The following MCM5 variants were observed in gnomAD, a reference collection of about 807,000 sequenced individuals.
MCM5 encodes the protein DNA replication licensing factor MCM5.
A neutral mutation model predicts 79.9 loss-of-function variants in MCM5; 46 were observed. The ratio of observed to expected loss-of-function variants is 0.58; its 90% CI spans 0.45 to 0.74. The LOEUF is 0.74. Among genes scored for constraint, MCM5 ranks in the 30% least tolerant of loss-of-function variants. The probability of loss-of-function intolerance (pLI) is 0.00; values close to 1 mark genes in which losing one functional copy is unlikely to be tolerated. For missense variants in MCM5, 883 were observed against 1,017.0 expected (o/e 0.87, Z 1.79); for synonymous variants, 404 against 390.5 (o/e 1.03, Z -0.41).
intron 6 of MCM5, among the ~76,000 whole-genome samples, chr22:35,408,927 G>A (rs988632204): frequency 1.3e-5 from 2 of 151,818 alleles, no homozygotes; most frequent in Admixed American, 6.6e-5. Flanking sequence ...AGCTGGCAAA[G>A]CCTCTTCCCA....
In MCM5 at chr22:35,410,762, C is replaced by A; in HGVS notation, c.771C>A (p.Val257=). Residue 257 remains valine (V), a synonymous_variant, in exon 7 of 17, where the codon GTC becomes GTA. Transcript: ENST00000216122. ...LYCDRYLCDK[V]VPGNRVTIMG... ...CTCTCAGGTACCTGTGTGACAAGGTCGTCCCTGGGAACAGGGTTACCATCA... is the reference window on the plus strand; with the variant it reads ...CTCTCAGGTACCTGTGTGACAAGGTAGTCCCTGGGAACAGGGTTACCATCA... 6.2e-7 allele frequency: 1 copy of A among 1,614,066 alleles called. No homozygotes were observed. Among genetic ancestry groups the A allele is most frequent in the South Asian group, 1.1e-5 (1 of 91,060 alleles).
Position 35,412,786 on chromosome 22 carries a change from T to TGGGCCCCTCAGTCTGCC in MCM5, c.1091+106_1091+122dup, listed in dbSNP as rs1261361228. On this transcript the variant is annotated intron_variant, in intron 8 of 16. Coordinates refer to ENST00000216122, the MANE Select transcript of MCM5 (RefSeq NM_006739.4). ...ACTGGGCACTCTTTTTTGTATTTCC[T>TGGGCCCCTCAGTCTGCC]GGGCCCCTCAGTCTGCCAGGCACCT... The TGGGCCCCTCAGTCTGCC allele has an allele frequency of 4.8e-6, 5 of 1,041,346 alleles. No individual in the cohort carries two copies. The African/African-American group carries it at 8.3e-5, about 17-fold the overall frequency. The allele number at this position is 1,041,346 out of a possible 1,614,324, so 64.5% of individuals were successfully genotyped here.
At chr22:35,434,326 A>G in the MCM5 span, among the ~76,000 whole-genome samples, 1 of 151,832 alleles carries the variant, frequency 6.6e-6, no homozygotes, top group Non-Finnish European at 1.5e-5. Flanking sequence ...CTGAACCCTG[A>G]TGATACATCT....
the MCM5 span, among the ~76,000 whole-genome samples, chr22:35,445,997 T>C: frequency 6.6e-6 from 1 of 152,228 alleles, no homozygotes; most frequent in African/African-American, 2.4e-5. Flanking sequence ...CTCCACATCT[T>C]TCTGCTTAGC....
the MCM5 span, among the ~76,000 whole-genome samples, chr22:35,440,062 C>A: frequency 6.6e-6 from 1 of 152,242 alleles, no homozygotes; most frequent in Admixed American, 6.5e-5. Flanking sequence ...CCATTTCTCT[C>A]GTCCAAATTC....
At chr22:35,423,526 G>C (rs1433346344) in intron 16 of MCM5, 185 bp downstream of exon 16, 1 of 534,574 alleles carries the variant, frequency 1.9e-6, no homozygotes, top group Non-Finnish European at 3.0e-6. Context: ...TTCATCAGGA[G>C]CAGGGATGGG....
the MCM5 span, among the ~76,000 whole-genome samples, chr22:35,432,473 C>T: frequency 5.9e-5 from 9 of 152,182 alleles, no homozygotes; most frequent in African/African-American, 1.2e-4. Flanking sequence ...CCACACAGAA[C>T]GTGCTCCTTG....
At chr22:35,402,391 ATC>A (rs1478769895) in intron 2 of MCM5, among the ~76,000 whole-genome samples, 1 of 147,004 alleles carries the variant, frequency 6.8e-6, no homozygotes, top group Non-Finnish European at 1.5e-5. Context: ...CAGTGGCGTG[ATC>A]TTGGCTCACT....
intron 7 of MCM5, 94 bp downstream of exon 7, chr22:35,411,004 C>T: frequency 8.4e-7 from 1 of 1,193,306 alleles, no homozygotes. Flanking sequence ...TGAGGTAGCC[C>T]AGGATGTCCT....
intron 2 of MCM5, 49 bp from the exon 3 acceptor site, chr22:35,403,158 C>T: frequency 2.5e-6 from 4 of 1,602,644 alleles, no homozygotes; most frequent in Non-Finnish European, 1.7e-6. Flanking sequence ...GTGTTGGTTT[C>T]CTCTTCTTTG....
chr22:35,417,908 T>TTCTCTCCCACCCA, intron 13 of MCM5, 52 bp downstream of exon 13: 13 of 1,314,498 alleles, frequency 9.9e-6, no homozygotes, highest in African/African-American at 1.4e-5. Flanking sequence ...CTTCCCTGGG[T>TTCTCTCCCACCCA]GGGAGAGAAC....
At chr22:35,427,808 T>A (rs1474399504), downstream of MCM5, among the ~76,000 whole-genome samples, 4 of 152,066 alleles carry the variant, frequency 2.6e-5, no homozygotes, top group African/African-American at 9.7e-5. Context: ...AAAATGGTTT[T>A]AATTTGTTTT....
the MCM5 span, among the ~76,000 whole-genome samples, chr22:35,450,311 A>G: frequency 3.8e-5 from 4 of 105,330 alleles, no homozygotes; most frequent in African/African-American, 1.7e-4. Context: ...CAATCTGCAG[A>G]ACAGGGGGAA....
the MCM5 span, among the ~76,000 whole-genome samples, chr22:35,441,721 G>A: frequency 6.6e-6 from 1 of 152,110 alleles, no homozygotes; most frequent in East Asian, 1.9e-4. Context: ...AAGGCTCCCT[G>A]GAAGAGGTGC....
At chr22:35,402,811 T>G (rs1483275151) in intron 2 of MCM5, among the ~76,000 whole-genome samples, 1 of 152,226 alleles carries the variant, frequency 6.6e-6, no homozygotes, top group East Asian at 1.9e-4. Context: ...CCTAAAGTGT[T>G]GGGATTACAG....
At position 35,417,861 on chromosome 22, in the gene MCM5, G is replaced by A. The variant is rs1416436364; in HGVS notation, c.1703+5G>A. On this transcript the variant is annotated splice_donor_5th_base_variant and intron_variant, in intron 13 of 16. Transcript: ENST00000216122. ...GTTTATTGCCTACTGCCGAGTGTGA[G>A]TCCTGGACGCAGGCCCACGGGGGTG... 3.1e-6 allele frequency: 5 copies of A among 1,611,258 alleles called. No individual in the cohort carries two copies. In the Admixed American group the frequency reaches 8.3e-5, roughly 27 times the overall value.
At chr22:35,401,825 T>G (rs1012316094) in intron 2 of MCM5, 9 of 400,054 alleles carry the variant, frequency 2.2e-5, no homozygotes, top group Admixed American at 1.5e-4. Flanking sequence ...GTGAAAGGAC[T>G]TAGGGAAGTT....
Position 35,424,442 on chromosome 22 carries a change from G to A in MCM5, c.*187G>A. ...CTGCCTCTGGGCGCCCGCCTCTAGC[G>A]CGGTTCTGGGAAGTGTGCTTTTGGC... On this transcript the variant is annotated 3_prime_UTR_variant, in exon 17 of 17. Coordinates refer to ENST00000216122, the MANE Select transcript of MCM5 (RefSeq NM_006739.4). 1 of 548,818 alleles carries A rather than the reference G, an allele frequency of 1.8e-6. No individual in the cohort carries two copies. The highest frequency in any genetic ancestry group is 3.2e-6 in the Non-Finnish European group (1 of 311,148). The allele number at this position is 548,818 out of a possible 1,614,324, so 34.0% of individuals were successfully genotyped here. A position where few individuals can be genotyped will look rare whatever the true frequency, so the allele number is the denominator to read the frequency against.
chr22:35,402,847 A>C (rs959649154), intron 2 of MCM5, among the ~76,000 whole-genome samples: 6 of 152,148 alleles, frequency 3.9e-5, no homozygotes, highest in Non-Finnish European at 7.3e-5. Flanking sequence ...CTGGGCCCCA[A>C]GTTTGAGCTG....
Sources: gnomAD v4.1 joint callset for allele counts (sites outside exome capture counted in the v4.1 genomes callset) on GRCh38, gnomAD v4.1.1 for gene constraint, MANE v1.5 for transcripts, NCBI Gene and HGNC (gene_info 2026-07-23, HGNC 2026-07-21) for gene names.